The following ABCB10 variants were observed in gnomAD, a reference collection of about 807,000 sequenced individuals.
ABCB10 encodes ATP binding cassette subfamily B member 10.
In ABCB10, 54 loss-of-function variants were observed where a neutral mutation model predicts 65.4. That is an observed-to-expected ratio of 0.83 (90% CI 0.66 to 1.04). The LOEUF is 1.04. Among genes scored for constraint, ABCB10 ranks in the 50% least tolerant of loss-of-function variants. The pLI, the probability that ABCB10 is intolerant of heterozygous loss-of-function variation, is 0.00. For missense variants in ABCB10, 846 were observed against 976.6 expected (o/e 0.87, Z 1.78); for synonymous variants, 418 against 406.5 (o/e 1.03, Z -0.34).
rs773988026 is a variant in ABCB10 at position 229,542,359 on chromosome 1, G to A, written c.934C>T (p.Pro312Ser). ...CTCAAAACAAAGGTGGCCAGATTAG[G>A]TGAGACAAAAAACTGTCAAAAACAA... ...VGISMMFFVS[P>S]NLATFVLSVV... The change falls in exon 4 of 13, where the codon CCT (proline) becomes TCT (serine). Residue 312 changes from proline (P) to serine (S), a missense_variant. Around this residue, in one of 2 missense-constraint regions of ABCB10, gnomAD observed 632 missense variants for 803.2 expected, o/e 0.79. Coordinates refer to ENST00000344517, the MANE Select transcript of ABCB10 (RefSeq NM_012089.3). 26 of 1,611,178 alleles carry A rather than the reference G, an allele frequency of 1.6e-5. No individual in the cohort carries two copies. The African/African-American group carries it at 1.7e-4, about 11-fold the overall frequency.
At chr1:229,521,658 A>G (rs1262698566) in intron 10 of ABCB10, 23 bp from the exon 11 acceptor site, 1 of 1,612,306 alleles carries the variant, frequency 6.2e-7, no homozygotes, top group East Asian at 2.2e-5. Flanking sequence ...ACATTTAAAA[A>G]AAGAAGGCCT....
Position 229,527,289 on chromosome 1 carries a change from G to A in ABCB10, c.1665C>T (p.Gly555=). ...DPASGTISLD[G]HDIRQLNPVW... ...CTGGGTTTAGCTGACGGATGTCATG[G>A]CCATCAAGACTAATAGTTCCTTGTT... is the stretch of plus-strand genomic sequence containing the variant. The change falls in exon 9 of 13, where the codon GGC becomes GGT. Residue 555 remains glycine, a synonymous_variant. Transcript: ENST00000344517. The A allele has an allele frequency of 1.2e-6, 2 of 1,609,828 alleles. No individual in the cohort carries two copies. Among genetic ancestry groups the A allele is most frequent in the Non-Finnish European group, 1.7e-6 (2 of 1,179,198 alleles).
chr1:229,519,114 G>T, intron 11 of ABCB10: 1 of 365,150 alleles, frequency 2.7e-6, no homozygotes, highest in Non-Finnish European at 4.9e-6. Flanking sequence ...TTCAATGCAG[G>T]AAATAAGGAA....
rs1265207643 is a variant in ABCB10, at chr1:229,558,272, C to T, written c.381G>A (p.Trp127Ter). 2.2e-5 allele frequency: 28 copies of T among 1,263,796 alleles called. No homozygotes were observed. Among genetic ancestry groups the T allele is most frequent in the Non-Finnish European group, 2.0e-6 (2 of 1,008,166 alleles). 78.3% of individuals were successfully genotyped at this position (1,263,796 alleles called of 1,614,324 possible). ...CGCGCCGCCAGGCCTCGTCCCCTGC[C>T]CAGGCAGCGGCTGCGGGACCGCCCG... is the stretch of plus-strand genomic sequence containing the variant. Reference protein sequence around the residue: ...RFPGGPAAAAWAGDEAWRRGP... With the variant: ...RFPGGPAAAA The change falls in exon 1 of 13, where the codon TGG (tryptophan) becomes TGA (stop). Residue 127 changes from tryptophan (W) to a stop codon, truncating the protein, a stop_gained. Coordinates refer to ENST00000344517, the MANE Select transcript of ABCB10 (RefSeq NM_012089.3). LOFTEE classifies it high-confidence loss of function.
At chr1:229,531,326 C>T (rs546727336) in intron 7 of ABCB10, among the ~76,000 whole-genome samples, 69 of 152,304 alleles carry the variant, frequency 4.5e-4, no homozygotes, top group Non-Finnish European at 8.1e-4. Context: ...TGGGACACAG[C>T]CCTGGGCCAC....
chr1:229,530,117 G>A, intron 8 of ABCB10, 82 bp downstream of exon 8: 5 of 1,341,948 alleles, frequency 3.7e-6, no homozygotes, highest in South Asian at 1.2e-5. Flanking sequence ...GTATTTGCAT[G>A]GTTTGAGCAT....
At chr1:229,531,799 G>T in intron 6 of ABCB10, 68 bp from the exon 7 acceptor site, 1 of 1,201,080 alleles carries the variant, frequency 8.3e-7, no homozygotes, top group Non-Finnish European at 1.2e-6. Flanking sequence ...CCACTCCTCT[G>T]AGAGGAGTGA....
intron 10 of ABCB10, among the ~76,000 whole-genome samples, chr1:229,525,521 C>T (rs144920925): frequency 6.6e-5 from 10 of 152,216 alleles, no homozygotes; most frequent in East Asian, 5.8e-4. Context: ...AAGATGAAAA[C>T]CTAATTAGAA....
At chr1:229,556,367 C>A (rs1663247575) in intron 1 of ABCB10, among the ~76,000 whole-genome samples, 1 of 145,708 alleles carries the variant, frequency 6.9e-6, no homozygotes, top group African/African-American at 2.6e-5. Context: ...AGCAAAACTC[C>A]ATCTCAAAAA....
At chr1:229,555,484 C>T (rs1663226260) in intron 1 of ABCB10, among the ~76,000 whole-genome samples, 1 of 152,260 alleles carries the variant, frequency 6.6e-6, no homozygotes, top group East Asian at 1.9e-4. Context: ...TATGCTAAAG[C>T]TGCTTTCAGC....
chr1:229,538,433 T>C lies in ABCB10; in HGVS notation c.1339+1023A>G, dbSNP rs181828105. Among the ~76,000 whole-genome samples, 41 of 152,144 alleles carry C rather than the reference T, an allele frequency of 2.7e-4. No individual in the cohort carries two copies. In the East Asian group the frequency reaches 6.9e-3, roughly 26 times the overall value. On this transcript the variant is annotated intron_variant, in intron 6 of 12. Coordinates refer to ENST00000344517, the MANE Select transcript of ABCB10 (RefSeq NM_012089.3). The stretch of plus-strand genomic sequence containing the variant: ...TCCACTTGAAGGAGGACAGAAGACC[T>C]AGGGGAACAGGACCACAACAGGGTG...
At chr1:229,536,301 G>GA (rs1662721720) in intron 6 of ABCB10, among the ~76,000 whole-genome samples, 1 of 151,928 alleles carries the variant, frequency 6.6e-6, no homozygotes, top group Admixed American at 6.6e-5. Context: ...AGGAGTTTGA[G>GA]ACCAGCCTGG....
At position 229,523,108 on chromosome 1, in the gene ABCB10, TAA is replaced by T. The variant is rs1368428899; in HGVS notation, c.1907-1475_1907-1474del. On this transcript the variant is annotated intron_variant, in intron 10 of 12. Coordinates refer to ENST00000344517, the MANE Select transcript of ABCB10 (RefSeq NM_012089.3). ...GTATGTATGACACTGAAAATTACAG[TAA>T]GTCACTCTAATCCTGTCTTTTTAAG... is the stretch of plus-strand genomic sequence containing the variant. Among the ~76,000 whole-genome samples the T allele has an allele frequency of 3.9e-5, 6 of 152,290 alleles. No homozygotes were observed. In the East Asian group the frequency reaches 1.2e-3, roughly 29 times the overall value.
intron 11 of ABCB10, among the ~76,000 whole-genome samples, chr1:229,520,724 T>C (rs1172967619): frequency 1.3e-5 from 2 of 152,186 alleles, no homozygotes; most frequent in African/African-American, 2.4e-5. Flanking sequence ...TAGAAGGGAA[T>C]AAAGTACTGA....
intron 5 of ABCB10, 76 bp from the exon 6 acceptor site, chr1:229,539,667 A>C: frequency 1.3e-6 from 2 of 1,502,362 alleles, no homozygotes. Context: ...CACGGCCTGT[A>C]ATGTCCCTTT....
rs1244596908 is a variant in ABCB10, at chr1:229,516,585, A to C, written c.*1594T>G. 6.6e-6 allele frequency: 1 copy of C among 152,202 alleles called. No individual in the cohort carries two copies. The highest frequency in any genetic ancestry group is 1.5e-5 in the Non-Finnish European group (1 of 68,018). The allele number at this position is 152,202 out of a possible 1,614,324, so 9.4% of individuals were successfully genotyped here. ...AAAAAAAAGTGACAGACACAGATAA[A>C]GTTCACTATAAATTTTAATCTATGA... On this transcript the variant is annotated 3_prime_UTR_variant, in exon 13 of 13. Transcript: ENST00000344517.
At chr1:229,534,025 C>G (rs1175510421) in intron 6 of ABCB10, among the ~76,000 whole-genome samples, 4 of 152,104 alleles carry the variant, frequency 2.6e-5, no homozygotes, top group Non-Finnish European at 5.9e-5. Context: ...AAAGACCTAT[C>G]CAATAAAGGA....
At chr1:229,522,152 C>T (rs1380125182) in intron 10 of ABCB10, among the ~76,000 whole-genome samples, 1 of 152,066 alleles carries the variant, frequency 6.6e-6, no homozygotes, top group Non-Finnish European at 1.5e-5. Context: ...AGCCACAGTG[C>T]CCGGCCAATA....
At chr1:229,547,426 G>C (rs1001670022) in intron 3 of ABCB10, 73 bp downstream of exon 3, 1 of 1,541,714 alleles carries the variant, frequency 6.5e-7, no homozygotes, top group African/African-American at 1.4e-5. Flanking sequence ...GCTTGAGCTC[G>C]TCTCACACGT....
Sources: gnomAD v4.1 joint callset for allele counts (sites outside exome capture counted in the v4.1 genomes callset) on GRCh38, gnomAD v4.1.1 for gene constraint, gnomAD v4.1.1 regional missense constraint, MANE v1.5 for transcripts, NCBI Gene and HGNC (gene_info 2026-07-23, HGNC 2026-07-21) for gene names.